Variants in ELOVL4 observed in about 807,000 individuals in gnomAD.
ELOVL4 encodes very long chain fatty acid elongase 4.
In ELOVL4, 18 loss-of-function variants were observed where a neutral mutation model predicts 42.1. That is an observed-to-expected ratio of 0.43 (90% CI 0.30 to 0.63). The LOEUF (loss-of-function observed/expected upper bound fraction) is 0.63, where lower values mean the gene tolerates loss of function less well. Ranked by LOEUF, ELOVL4 falls within the 30% of genes least tolerant of loss-of-function variation. The pLI is 0.15. For missense variants in ELOVL4, 299 were observed against 376.2 expected, an observed-to-expected ratio of 0.79 and a Z score of 1.70; for synonymous variants, 117 against 127.0, an observed-to-expected ratio of 0.92 and a Z score of 0.53.
intron 1 of ELOVL4, among the ~76,000 whole-genome samples, chr6:79,936,864 A>G (rs1774552370): frequency 1.3e-5 from 2 of 152,204 alleles, no homozygotes; most frequent in Non-Finnish European, 2.9e-5. Context: ...CAGATCCTGA[A>G]GGTGGTGGGT....
chr6:79,941,971 A>T (rs922238882), intron 1 of ELOVL4, among the ~76,000 whole-genome samples: 1 of 152,254 alleles, frequency 6.6e-6, no homozygotes, highest in African/African-American at 2.4e-5. Context: ...TACTAAAGAC[A>T]ATGAGCTCCT....
chr6:79,916,985 C>T, intron 5 of ELOVL4, 102 bp from the exon 6 acceptor site: 1 of 1,339,986 alleles, frequency 7.5e-7, no homozygotes, highest in South Asian at 1.3e-5. Flanking sequence ...CCAAATTTTG[C>T]CACACTGTGC....
chr6:79,919,800 T>C (rs1774221393), intron 4 of ELOVL4, among the ~76,000 whole-genome samples: 1 of 152,160 alleles, frequency 6.6e-6, no homozygotes, highest in Admixed American at 6.5e-5. Flanking sequence ...CTTTCACAGT[T>C]GTAGGTTTTC....
chr6:79,916,651 T>C lies in ELOVL4; in HGVS notation c.902A>G (p.Glu301Gly), dbSNP rs745808700. The part of the protein sequence containing the change: ...VSKSEKQLMI[E>G]NGKKQKNGKA... Reference sequence around the variant, plus strand: ...TCCATTTTTCTGCTTTTTTCCATTTTCTATCATGAGTTGTTTTTCTGATTT... The same window carrying C: ...TCCATTTTTCTGCTTTTTTCCATTTCCTATCATGAGTTGTTTTTCTGATTT... The change falls in exon 6 of 6, where the codon GAA becomes GGA. Residue 301 changes from glutamate to glycine, a missense_variant. By Grantham distance (98) the Glu-to-Gly change is moderately conservative. Transcript: ENST00000369816. 5.6e-6 allele frequency: 9 copies of C among 1,614,076 alleles called. No individual in the cohort carries two copies. The highest frequency in any genetic ancestry group is 1.6e-4 in the Middle Eastern group (1 of 6,080).
chr6:79,929,576 G>A (rs1169487416), intron 1 of ELOVL4, among the ~76,000 whole-genome samples: 1 of 152,256 alleles, frequency 6.6e-6, no homozygotes, highest in South Asian at 2.1e-4. Flanking sequence ...ACATTTTCCA[G>A]GAAGCTCTAA....
intron 1 of ELOVL4, among the ~76,000 whole-genome samples, chr6:79,932,240 C>A (rs557112982): frequency 8.6e-5 from 13 of 152,010 alleles, no homozygotes; most frequent in Non-Finnish European, 1.9e-4. Flanking sequence ...GCGTATTATT[C>A]CTTTATAAAA....
At chr6:79,933,830 T>C (rs1774497146) in intron 1 of ELOVL4, among the ~76,000 whole-genome samples, 1 of 152,156 alleles carries the variant, frequency 6.6e-6, no homozygotes, top group African/African-American at 2.4e-5. Flanking sequence ...GTTAGGGAGC[T>C]GCACTGGCAA....
intron 5 of ELOVL4, among the ~76,000 whole-genome samples, chr6:79,917,679 G>C (rs943615979): frequency 6.6e-5 from 10 of 152,086 alleles, no homozygotes; most frequent in Non-Finnish European, 1.3e-4. Flanking sequence ...AAATTAGCCA[G>C]GTGTGGTGGT....
intron 3 of ELOVL4, among the ~76,000 whole-genome samples, chr6:79,924,505 T>G (rs528217837): frequency 6.6e-6 from 1 of 152,334 alleles, no homozygotes; most frequent in Non-Finnish European, 1.5e-5. Flanking sequence ...ATAGTTTTAC[T>G]GACTCATAAC....
chr6:79,917,688 G>C (rs538854529), intron 5 of ELOVL4, among the ~76,000 whole-genome samples: 1 of 152,056 alleles, frequency 6.6e-6, no homozygotes, highest in Non-Finnish European at 1.5e-5. Context: ...AGGTGTGGTG[G>C]TCCATGACTG....
chr6:79,921,946 C>G, intron 3 of ELOVL4, 150 bp from the exon 4 acceptor site: 1 of 740,658 alleles, frequency 1.4e-6, no homozygotes, highest in South Asian at 1.7e-5. Flanking sequence ...TTTGAAAAAC[C>G]TAAGCATCTC....
chr6:79,933,625 G>T (rs560844839), intron 1 of ELOVL4, among the ~76,000 whole-genome samples: 2 of 152,216 alleles, frequency 1.3e-5, no homozygotes, highest in Admixed American at 1.3e-4. Context: ...CTGCATCAGT[G>T]GTTCTCAATA....
At chr6:79,930,341 C>A (rs1774422639) in intron 1 of ELOVL4, among the ~76,000 whole-genome samples, 1 of 152,154 alleles carries the variant, frequency 6.6e-6, no homozygotes, top group African/African-American at 2.4e-5. Flanking sequence ...AGAGAGCTTT[C>A]AAAAATTCAG....
intron 1 of ELOVL4, among the ~76,000 whole-genome samples, chr6:79,942,795 A>G (rs1376999719): frequency 6.6e-6 from 1 of 152,238 alleles, no homozygotes; most frequent in Non-Finnish European, 1.5e-5. Context: ...TGGGGAATGG[A>G]TAAGAGCATT....
chr6:79,942,952 G>A (rs73747903), intron 1 of ELOVL4, among the ~76,000 whole-genome samples: 2,847 of 151,618 alleles, frequency 0.019, 90 homozygotes, highest in African/African-American at 0.064. Flanking sequence ...TAATTAGGAC[G>A]TCACTGAAAA....
Position 79,919,417 on chromosome 6 carries a change from C to T in ELOVL4, c.669+3G>A, listed in dbSNP as rs755560146. The T allele has an allele frequency of 3.1e-6, 5 of 1,613,656 alleles. No homozygotes were observed. In the Admixed American group the frequency reaches 6.7e-5, roughly 22 times the overall value. ...GAAGAAACTTTGGAAGCATTTAACT[C>T]ACCAGTTGCAACATAGTCAGGTATC... is the stretch of plus-strand genomic sequence containing the variant. On this transcript the variant is annotated splice_donor_region_variant and intron_variant, in intron 5 of 5. Transcript: ENST00000369816.
chr6:79,937,666 G>GT (rs2127701602), intron 1 of ELOVL4, among the ~76,000 whole-genome samples: 1 of 152,240 alleles, frequency 6.6e-6, no homozygotes, highest in South Asian at 2.1e-4. Context: ...CAATAAAATG[G>GT]TATTTATTGA....
In ELOVL4 at chr6:79,939,648, T is replaced by A. The variant is rs566257967; in HGVS notation, c.100+7532A>T. On this transcript the variant is annotated intron_variant, in intron 1 of 5. Transcript: ENST00000369816. ...AAGTGATCCTTCTCCCTCAGCCTTC[T>A]CAATAGCTGAGACTAGAGGCATATG... 3.9e-5 allele frequency among the ~76,000 whole-genome samples: 6 copies of A among 152,056 alleles called. No individual in the cohort carries two copies. The South Asian group carries it at 1.0e-3, about 26-fold the overall frequency.
chr6:79,946,647 G>A (rs951922081), intron 1 of ELOVL4, among the ~76,000 whole-genome samples: 3 of 152,170 alleles, frequency 2.0e-5, no homozygotes, highest in Non-Finnish European at 4.4e-5. Flanking sequence ...TTTTCAGTCC[G>A]AATTATACTA....
Sources: gnomAD v4.1 joint callset for allele counts (sites outside exome capture counted in the v4.1 genomes callset) on GRCh38, gnomAD v4.1.1 for gene constraint, MANE v1.5 for transcripts, NCBI Gene and HGNC (gene_info 2026-07-23, HGNC 2026-07-21) for gene names.